LRRIQ1: variants seen among roughly 807,000 people sequenced by gnomAD.
LRRIQ1 encodes the protein leucine rich repeats and IQ motif containing 1.
Under a neutral mutation model 211.9 loss-of-function variants are expected in LRRIQ1, and 210 were observed. That is an observed-to-expected ratio of 0.99 (90% confidence interval 0.89 to 1.11). The LOEUF (loss-of-function observed/expected upper bound fraction) is 1.11, where lower values mean the gene tolerates loss of function less well. Among genes scored for constraint, LRRIQ1 ranks in the 50% most tolerant of loss-of-function variants. LRRIQ1 has a pLI of 0.00. For synonymous variants in LRRIQ1, 699 were observed against 650.1 expected (o/e 1.08, Z -1.14); for missense variants, 2,136 against 1,939.5 (o/e 1.10, Z -1.90).
intron 11 of LRRIQ1, chr12:85,076,666 C>A: frequency 6.1e-6 from 2 of 325,728 alleles, no homozygotes; most frequent in African/African-American, 2.2e-5. Context: ...GCTCATAGTG[C>A]TTGGAATAAT....
intron 15 of LRRIQ1, among the ~76,000 whole-genome samples, chr12:85,109,803 C>CGGTTCAAGTG (rs1887041079): frequency 6.6e-6 from 1 of 152,098 alleles, no homozygotes; most frequent in Non-Finnish European, 1.5e-5. Context: ...ACCCCTACCC[C>CGGTTCAAGTG]ATACTGTGTG....
intron 24 of LRRIQ1, among the ~76,000 whole-genome samples, chr12:85,203,407 C>T (rs369500851): frequency 2.0e-4 from 31 of 151,946 alleles, no homozygotes; most frequent in East Asian, 3.9e-4. Context: ...GAAAAGATAC[C>T]GAAAAATGTG....
intron 24 of LRRIQ1, among the ~76,000 whole-genome samples, chr12:85,206,869 C>T (rs1346170196): frequency 6.6e-6 from 1 of 152,122 alleles, no homozygotes; most frequent in Non-Finnish European, 1.5e-5. Context: ...GGCAAGATTG[C>T]TCTGCTCTGT....
chr12:85,213,747 A>G (rs1592979275), intron 24 of LRRIQ1, among the ~76,000 whole-genome samples: 1 of 152,070 alleles, frequency 6.6e-6, no homozygotes, highest in East Asian at 1.9e-4. Flanking sequence ...AGAAGAAATC[A>G]TAATGATTTT....
intron 11 of LRRIQ1, among the ~76,000 whole-genome samples, chr12:85,076,992 A>G (rs1436999611): frequency 1.3e-5 from 2 of 152,130 alleles, no homozygotes; most frequent in African/African-American, 4.8e-5. Context: ...CTGTTTCAGT[A>G]TTACTCTTTC....
At chr12:85,203,841 A>G (rs1893410552) in intron 24 of LRRIQ1, among the ~76,000 whole-genome samples, 1 of 152,176 alleles carries the variant, frequency 6.6e-6, no homozygotes, top group Non-Finnish European at 1.5e-5. Context: ...CTGACAATGC[A>G]ATAGAAAAGA....
At chr12:85,208,138 C>A (rs555981544) in intron 24 of LRRIQ1, among the ~76,000 whole-genome samples, 1 of 151,016 alleles carries the variant, frequency 6.6e-6, no homozygotes, top group Admixed American at 6.6e-5. Flanking sequence ...TCTGGCTAAT[C>A]GATGCACTGT....
chr12:85,099,988 C>T (rs1055614500), intron 13 of LRRIQ1, among the ~76,000 whole-genome samples: 4 of 151,756 alleles, frequency 2.6e-5, no homozygotes, highest in African/African-American at 9.7e-5. Flanking sequence ...TTCCCAGAGC[C>T]AGCTCCATCA....
chr12:85,188,135 A>T (rs932577527), intron 24 of LRRIQ1, among the ~76,000 whole-genome samples: 1 of 150,542 alleles, frequency 6.6e-6, no homozygotes, highest in African/African-American at 2.5e-5. Context: ...GGCACATAGT[A>T]AGCACTCAGT....
Position 85,217,296 on chromosome 12 carries a change from T to C in LRRIQ1, c.4823-12221T>C, listed in dbSNP as rs557867237. On this transcript the variant is annotated intron_variant, in intron 24 of 26. Transcript: ENST00000393217. ...TGTTTTATTGAGTTTTTCAAGCTTC[T>C]ATCACTAACATATCAACTCATACAC... Among the ~76,000 whole-genome samples, 18 of 151,046 alleles carry C rather than the reference T, an allele frequency of 1.2e-4. 2 individuals carry two copies. The South Asian group carries it at 3.7e-3, about 31-fold the overall frequency.
chr12:85,196,613 T>C (rs1592954246), intron 24 of LRRIQ1, among the ~76,000 whole-genome samples: 1 of 152,168 alleles, frequency 6.6e-6, no homozygotes, highest in African/African-American at 2.4e-5. Flanking sequence ...CTGGGAAAAC[T>C]GGCTAGCCAT....
rs772622531 is a variant in LRRIQ1 at position 85,056,067 on chromosome 12, A to C, written c.1274A>C (p.Asn425Thr). 6.3e-7 allele frequency: 1 copy of C among 1,594,750 alleles called. No individual in the cohort carries two copies. Among genetic ancestry groups the C allele is most frequent in the Non-Finnish European group, 8.5e-7 (1 of 1,174,824 alleles). ...AATGATAAGGGTGATATAGCCAAAA[A>C]TCTAGTGGATGAAAATTCAAAGAAG... ...ISNDKGDIAK[N>T]LVDENSKKQE... The change falls in exon 8 of 27, where the codon AAT (asparagine) becomes ACT (threonine). Residue 425 changes from asparagine to threonine, a missense_variant. Physicochemically the swap from Asn to Thr is moderately conservative, Grantham distance 65 (BLOSUM62 0). Transcript: ENST00000393217.
intron 24 of LRRIQ1, among the ~76,000 whole-genome samples, chr12:85,191,874 A>T (rs186487363): frequency 1.5e-3 from 221 of 152,046 alleles, no homozygotes; most frequent in African/African-American, 5.0e-3. Flanking sequence ...GACATATGAT[A>T]CTGAGCATCT....
chr12:85,141,405 C>A (rs1408010313), intron 19 of LRRIQ1, among the ~76,000 whole-genome samples: 1 of 151,036 alleles, frequency 6.6e-6, no homozygotes, highest in African/African-American at 2.4e-5. Flanking sequence ...TTATTTCTGT[C>A]ACATTTGGCC....
intron 2 of LRRIQ1, among the ~76,000 whole-genome samples, chr12:85,039,149 T>G (rs1878553215): frequency 6.6e-6 from 1 of 151,358 alleles, no homozygotes; most frequent in African/African-American, 2.4e-5. Context: ...TCTGAAATTC[T>G]TTATTTGAGT....
At chr12:85,109,025 AT>A (rs1886980979) in intron 15 of LRRIQ1, among the ~76,000 whole-genome samples, 1 of 151,930 alleles carries the variant, frequency 6.6e-6, no homozygotes, top group South Asian at 2.1e-4. Flanking sequence ...AAGCTGTTGA[AT>A]TTTTGCCCTG....
At chr12:85,099,375 T>C (rs964632679) in intron 13 of LRRIQ1, among the ~76,000 whole-genome samples, 6 of 151,884 alleles carry the variant, frequency 4.0e-5, no homozygotes, top group African/African-American at 1.4e-4. Flanking sequence ...TATTAAGTCC[T>C]GGAAGGACAA....
At chr12:85,162,623 TATTGA>T (rs1890944472) in intron 24 of LRRIQ1, 1 of 379,436 alleles carries the variant, frequency 2.6e-6, no homozygotes, top group South Asian at 2.0e-5. Context: ...ATGATATGTT[TATTGA>T]ATTGTGTACT....
downstream of LRRIQ1, among the ~76,000 whole-genome samples, chr12:85,264,843 A>G (rs141175237): frequency 6.6e-6 from 1 of 152,136 alleles, no homozygotes; most frequent in East Asian, 1.9e-4. Flanking sequence ...TGTGCTCTAT[A>G]TCCTATCCCC....
Sources: allele counts gnomAD v4.1 joint callset (sites outside exome capture counted in the v4.1 genomes callset), GRCh38; gene constraint gnomAD v4.1.1; transcripts MANE v1.5; gene names NCBI Gene and HGNC (gene_info 2026-07-23, HGNC 2026-07-21).